The following DCDC2 variants were observed in gnomAD, a reference collection of about 807,000 sequenced individuals.
DCDC2 encodes doublecortin domain containing 2.
DCDC2 carries 40 observed loss-of-function variants against 50.2 expected under a neutral mutation model. That is an observed-to-expected ratio of 0.80 (90% CI 0.62 to 1.04). The LOEUF (loss-of-function observed/expected upper bound fraction) is 1.04, where lower values mean the gene tolerates loss of function less well. Among genes scored for constraint, DCDC2 ranks in the 50% least tolerant of loss-of-function variants. The pLI, the probability that DCDC2 is intolerant of heterozygous loss-of-function variation, is 0.00. For synonymous variants in DCDC2, 234 were observed against 210.6 expected, an observed-to-expected ratio of 1.11 and a Z score of -0.96; for missense variants, 570 against 581.9, an observed-to-expected ratio of 0.98 and a Z score of 0.21.
upstream of DCDC2, among the ~76,000 whole-genome samples, chr6:24,360,189 G>A (rs1284755028): frequency 2.6e-5 from 4 of 152,258 alleles, no homozygotes; most frequent in Non-Finnish European, 5.9e-5. Flanking sequence ...GAGCGAGTCA[G>A]TGAACCAGGC....
intron 7 of DCDC2, among the ~76,000 whole-genome samples, chr6:24,211,883 A>C (rs1190506715): frequency 6.6e-6 from 1 of 152,212 alleles, no homozygotes; most frequent in Non-Finnish European, 1.5e-5. Flanking sequence ...TTGTCACAAC[A>C]GCCATAGGAA....
intron 2 of DCDC2, among the ~76,000 whole-genome samples, chr6:24,323,460 C>A (rs1759805778): frequency 6.6e-6 from 1 of 152,144 alleles, no homozygotes; most frequent in African/African-American, 2.4e-5. Context: ...TTTTAATGTT[C>A]TAGTGTTGAT....
At chr6:24,358,867 A>T (rs1294892543), upstream of DCDC2, among the ~76,000 whole-genome samples, 1 of 18,622 alleles carries the variant, frequency 5.4e-5, no homozygotes, top group Non-Finnish European at 8.1e-5. Flanking sequence ...TAATATATAT[A>T]ATATATATGT....
chr6:24,351,965 G>A (rs1412809742), intron 2 of DCDC2, among the ~76,000 whole-genome samples: 2 of 152,090 alleles, frequency 1.3e-5, no homozygotes, highest in Non-Finnish European at 2.9e-5. Flanking sequence ...TTAGCCAGGT[G>A]TGGTGGCACG....
intron 2 of DCDC2, among the ~76,000 whole-genome samples, chr6:24,347,669 C>T (rs1372635301): frequency 6.6e-6 from 1 of 152,040 alleles, no homozygotes; most frequent in African/African-American, 2.4e-5. Flanking sequence ...TCAGGGGGTA[C>T]TGGAAACAAT....
intron 7 of DCDC2, among the ~76,000 whole-genome samples, chr6:24,258,234 G>A (rs771099161): frequency 1.9e-4 from 29 of 152,182 alleles, no homozygotes; most frequent in African/African-American, 3.1e-4. Flanking sequence ...CTTCCACAGC[G>A]TGCAAGTGGA....
chr6:24,285,037 C>A (rs66531067), intron 6 of DCDC2, among the ~76,000 whole-genome samples: 11,502 of 152,066 alleles, frequency 0.076, 469 homozygotes, highest in African/African-American at 0.1. Flanking sequence ...TACCCTCCCC[C>A]CCACACACAC....
At chr6:24,353,749 T>C in intron 1 of DCDC2, 126 bp from the exon 2 acceptor site, 1 of 542,472 alleles carries the variant, frequency 1.8e-6, no homozygotes, top group South Asian at 3.4e-5. Context: ...CAAAAACAAA[T>C]AGCTACTAAT....
At chr6:24,275,675 G>T (rs1467783425) in intron 7 of DCDC2, among the ~76,000 whole-genome samples, 1 of 151,950 alleles carries the variant, frequency 6.6e-6, no homozygotes, top group African/African-American at 2.4e-5. Flanking sequence ...GACTTAAAAT[G>T]GGCTACTGTC....
intron 7 of DCDC2, among the ~76,000 whole-genome samples, chr6:24,238,701 G>T (rs1762505225): frequency 6.6e-6 from 1 of 152,148 alleles, no homozygotes; most frequent in African/African-American, 2.4e-5. Context: ...TTTCACTGGA[G>T]AAAGACCAAA....
At chr6:24,275,579 GAC>G (rs1468552212) in intron 7 of DCDC2, among the ~76,000 whole-genome samples, 1 of 152,008 alleles carries the variant, frequency 6.6e-6, no homozygotes, top group African/African-American at 2.4e-5. Flanking sequence ...TCCTTTAAAA[GAC>G]ACCAGCAGCG....
rs775347990 is a variant in DCDC2 at position 24,205,115 on chromosome 6, A to G, written c.923-13T>C. 4.3e-6 allele frequency: 7 copies of G among 1,614,144 alleles called. No individual in the cohort carries two copies. Among genetic ancestry groups the G allele is most frequent in the Non-Finnish European group, 5.1e-6 (6 of 1,180,010 alleles). On this transcript the variant is annotated splice_polypyrimidine_tract_variant and intron_variant, in intron 7 of 9. Coordinates refer to ENST00000378454, the MANE Select transcript of DCDC2 (RefSeq NM_016356.5). The stretch of plus-strand genomic sequence containing the variant: ...AAAATGCCTTCATCTATTGAGACAA[A>G]CACACAGTGAAAATCAAAATCCAAT...
chr6:24,246,414 T>C (rs528210091), intron 7 of DCDC2, among the ~76,000 whole-genome samples: 1 of 151,944 alleles, frequency 6.6e-6, no homozygotes, highest in African/African-American at 2.4e-5. Flanking sequence ...CCATCTTAGA[T>C]GGTATTCACT....
chr6:24,247,026 G>A (rs572485389), intron 7 of DCDC2, among the ~76,000 whole-genome samples: 1 of 152,152 alleles, frequency 6.6e-6, no homozygotes, highest in East Asian at 1.9e-4. Context: ...AAAACATCCT[G>A]TAAAGCAGTT....
At chr6:24,177,595 G>A (rs1347022395) in intron 9 of DCDC2, among the ~76,000 whole-genome samples, 1 of 152,168 alleles carries the variant, frequency 6.6e-6, no homozygotes. Flanking sequence ...TGCCTCTTAT[G>A]CTGTGAGACT....
intron 7 of DCDC2, among the ~76,000 whole-genome samples, chr6:24,261,894 T>C (rs890374946): frequency 2.0e-5 from 3 of 151,890 alleles, no homozygotes; most frequent in African/African-American, 7.3e-5. Context: ...CAACCAAAAA[T>C]TCTATGTCAG....
At chr6:24,240,080 A>G (rs1382256044) in intron 7 of DCDC2, among the ~76,000 whole-genome samples, 8 of 152,230 alleles carry the variant, frequency 5.3e-5, no homozygotes, top group Admixed American at 4.6e-4. Flanking sequence ...GTTAAAATAT[A>G]TATTAAACTC....
intron 7 of DCDC2, among the ~76,000 whole-genome samples, chr6:24,254,681 C>G (rs527989791): frequency 1.3e-5 from 2 of 152,244 alleles, no homozygotes; most frequent in South Asian, 2.1e-4. Flanking sequence ...TAGGCTAAGT[C>G]AGACCTGAAA....
Position 24,357,757 on chromosome 6 carries a change from C to G in DCDC2, c.-7G>C. On this transcript the variant is annotated 5_prime_UTR_variant, in exon 1 of 10. Transcript: ENST00000378454. ...TGGCGCTGCTGCCGCTCATCTTCCC[C>G]GCTGGCCGCCGCCTCAGCTCGCTGC... 6.2e-7 allele frequency: 1 copy of G among 1,612,204 alleles called. No homozygotes were observed. Among genetic ancestry groups the G allele is most frequent in the Non-Finnish European group, 8.5e-7 (1 of 1,179,346 alleles).
Sources: allele counts gnomAD v4.1 joint callset (sites outside exome capture counted in the v4.1 genomes callset), GRCh38; gene constraint gnomAD v4.1.1; transcripts MANE v1.5; gene names NCBI Gene and HGNC (gene_info 2026-07-23, HGNC 2026-07-21).